DIAPH2: variants seen among roughly 807,000 people sequenced by gnomAD.
The protein encoded by DIAPH2 is diaphanous related formin 2.
A neutral mutation model predicts 92.7 loss-of-function variants in DIAPH2; 35 were observed. The ratio of observed to expected loss-of-function variants is 0.38; its 90% confidence interval spans 0.29 to 0.50. The LOEUF (loss-of-function observed/expected upper bound fraction) is 0.50, where lower values mean the gene tolerates loss of function less well. DIAPH2 is among the 20% of genes least tolerant of loss of function. DIAPH2 has a pLI of 0.94. For synonymous variants in DIAPH2, 301 were observed against 280.4 expected (o/e 1.07, Z -0.73); for missense variants, 701 against 819.5 (o/e 0.86, Z 1.77).
At chrX:97,208,837 C>G (rs1166185011) in intron 22 of DIAPH2, among the ~76,000 whole-genome samples, 1 of 110,306 alleles carries the variant, frequency 9.1e-6, no homozygotes, top group Non-Finnish European at 1.9e-5. Context: ...TTCTGATATC[C>G]CTCTCCCAGT....
At chrX:97,185,357 G>GTGTATA (rs56151253) in intron 22 of DIAPH2, among the ~76,000 whole-genome samples, 5 of 19,629 alleles carry the variant, frequency 2.5e-4, no homozygotes, top group East Asian at 2.0e-3. Context: ...ATATATGTGT[G>GTGTATA]TATATATATA....
intron 25 of DIAPH2, among the ~76,000 whole-genome samples, chrX:97,400,421 T>C (rs929214604): frequency 8.9e-6 from 1 of 112,100 alleles, no homozygotes; most frequent in Admixed American, 9.5e-5. Context: ...GACAAATAAA[T>C]TGTACATATT....
At chrX:97,568,305 G>T (rs1194411109) in intron 26 of DIAPH2, among the ~76,000 whole-genome samples, 1 of 110,264 alleles carries the variant, frequency 9.1e-6, no homozygotes, top group African/African-American at 3.3e-5. Flanking sequence ...GCATGTTATT[G>T]GCATGCTGAC....
At chrX:97,440,648 G>C (rs761165709) in intron 26 of DIAPH2, among the ~76,000 whole-genome samples, 1 of 107,422 alleles carries the variant, frequency 9.3e-6, no homozygotes, top group African/African-American at 3.4e-5. Context: ...TGATTATGGA[G>C]ATATGGGGAG....
At position 96,685,035 on chromosome X, in the gene DIAPH2, C is replaced by T; in HGVS notation, c.-24C>T. 2.0e-6 allele frequency: 2 copies of T among 986,337 alleles called. No individual in the cohort carries two copies. Among genetic ancestry groups the T allele is most frequent in the Non-Finnish European group, 2.6e-6 (2 of 778,792 alleles). The allele number at this position is 986,337 out of a possible 1,213,427, so 81.3% of individuals were successfully genotyped here. A position where few individuals can be genotyped will look rare whatever the true frequency, so the allele number is the denominator to read the frequency against. On this transcript the variant is annotated 5_prime_UTR_variant, in exon 1 of 27. Transcript: ENST00000324765. Reference sequence around the variant, plus strand: ...GTTGAGGAGAGGTGGGGTTACAGGGCACAGGTGACAGGGCCGGAGAAAGAT... The same window carrying T: ...GTTGAGGAGAGGTGGGGTTACAGGGTACAGGTGACAGGGCCGGAGAAAGAT...
intron 24 of DIAPH2, among the ~76,000 whole-genome samples, chrX:97,356,528 G>T (rs972723237): frequency 2.7e-5 from 3 of 111,787 alleles, no homozygotes; most frequent in African/African-American, 9.7e-5. Context: ...CAGAATATTT[G>T]ACCGGAATAC....
chrX:96,873,263 T>A (rs997506518), intron 4 of DIAPH2, among the ~76,000 whole-genome samples: 6 of 111,792 alleles, frequency 5.4e-5, no homozygotes, highest in Non-Finnish European at 9.4e-5. Context: ...TTTGTCCATT[T>A]AAAAAAATCA....
intron 26 of DIAPH2, among the ~76,000 whole-genome samples, chrX:97,445,709 A>G (rs1343209685): frequency 9.1e-6 from 1 of 109,941 alleles, no homozygotes; most frequent in African/African-American, 3.3e-5. Context: ...CGGCCTCCCA[A>G]AGTGCTGGGA....
intron 1 of DIAPH2, among the ~76,000 whole-genome samples, chrX:96,688,411 T>C (rs1569365954): frequency 9.0e-6 from 1 of 111,299 alleles, no homozygotes; most frequent in East Asian, 2.8e-4. Context: ...CTCGGCCCAC[T>C]GCAACCTCTG....
intron 1 of DIAPH2, among the ~76,000 whole-genome samples, chrX:96,697,321 C>G (rs1267354573): frequency 1.8e-5 from 2 of 108,504 alleles, no homozygotes; most frequent in South Asian, 8.2e-4. Context: ...GTAACTGGCC[C>G]GAGGACATGC....
At chrX:97,090,298 CTTTTTTTTTTT>C (rs760073834) in intron 19 of DIAPH2, among the ~76,000 whole-genome samples, 6 of 38,859 alleles carry the variant, frequency 1.5e-4, no homozygotes, top group Admixed American at 1.1e-3. Context: ...TCTCTGATCC[CTTTTTTTTTTT>C]TTTTTTTTTT....
chrX:97,303,558 T>G (rs1298262352), intron 23 of DIAPH2, among the ~76,000 whole-genome samples: 1 of 111,510 alleles, frequency 9.0e-6, no homozygotes, highest in Admixed American at 9.7e-5. Context: ...TATTATTTAT[T>G]TATTGAGTTT....
At chrX:97,522,581 T>C (rs1169770741) in intron 26 of DIAPH2, among the ~76,000 whole-genome samples, 6 of 112,939 alleles carry the variant, frequency 5.3e-5, no homozygotes, top group Non-Finnish European at 1.1e-4. Context: ...CTGCTTTCAT[T>C]AGTGCTTTAA....
At chrX:97,212,179 G>A (rs758523068) in intron 22 of DIAPH2, among the ~76,000 whole-genome samples, 3 of 111,407 alleles carry the variant, frequency 2.7e-5, no homozygotes, top group Non-Finnish European at 5.7e-5. Flanking sequence ...CTTCTTTATT[G>A]TGCCTTCTAT....
intron 3 of DIAPH2, among the ~76,000 whole-genome samples, chrX:96,753,673 A>G (rs1485577995): frequency 2.7e-5 from 3 of 111,032 alleles, no homozygotes; most frequent in Non-Finnish European, 3.8e-5. Context: ...GCAGGTTTAA[A>G]TAGAATATAA....
chrX:97,494,318 CAATA>C (rs1276808697), intron 26 of DIAPH2, among the ~76,000 whole-genome samples: 2 of 109,581 alleles, frequency 1.8e-5, no homozygotes, highest in East Asian at 2.9e-4. Flanking sequence ...GACTCTGTCT[CAATA>C]AATAAATAAA....
chrX:97,066,121 G>A (rs1043990064), intron 17 of DIAPH2, among the ~76,000 whole-genome samples: 3 of 111,889 alleles, frequency 2.7e-5, no homozygotes, highest in Admixed American at 9.5e-5. Context: ...TAGCCTATGT[G>A]TACAGCCTAT....
chrX:97,589,319 A>G (rs1215801042), intron 26 of DIAPH2, among the ~76,000 whole-genome samples: 1 of 96,773 alleles, frequency 1.0e-5, no homozygotes, highest in Non-Finnish European at 2.1e-5. Flanking sequence ...TCCATCTCAA[A>G]AAAAAAAAAA....
At chrX:97,203,955 A>G in intron 22 of DIAPH2, among the ~76,000 whole-genome samples, 1 of 112,285 alleles carries the variant, frequency 8.9e-6, no homozygotes, top group Non-Finnish European at 1.9e-5. Flanking sequence ...CCAGCAGCAC[A>G]TGAAAAAGCT....
Sources: gnomAD v4.1 joint callset for allele counts (sites outside exome capture counted in the v4.1 genomes callset) on GRCh38, gnomAD v4.1.1 for gene constraint, MANE v1.5 for transcripts, NCBI Gene and HGNC (gene_info 2026-07-23, HGNC 2026-07-21) for gene names.